The following ZKSCAN1 variants were observed in gnomAD, a reference collection of about 807,000 sequenced individuals.
ZKSCAN1 encodes the protein zinc finger protein with KRAB and SCAN domains 1.
In ZKSCAN1, 14 loss-of-function variants were observed where a neutral mutation model predicts 51.6. The ratio of observed to expected loss-of-function variants is 0.27; its 90% CI spans 0.18 to 0.42. ZKSCAN1 has a LOEUF of 0.42. Ranked by LOEUF, ZKSCAN1 falls within the 10% of genes least tolerant of loss-of-function variation. ZKSCAN1 has a pLI of 1.00. For missense variants in ZKSCAN1, 531 were observed against 710.0 expected (o/e 0.75, Z 2.86); for synonymous variants, 263 against 261.5 (o/e 1.01, Z -0.06).
Position 100,038,679 on chromosome 7 carries a change from C to T in ZKSCAN1, c.*4482C>T. The T allele has an allele frequency of 3.1e-5, 31 of 985,430 alleles. No individual in the cohort carries two copies. Among genetic ancestry groups the T allele is most frequent in the Non-Finnish European group, 3.7e-5 (31 of 829,950 alleles). 61.0% of individuals were successfully genotyped at this position (985,430 alleles called of 1,614,324 possible). A position where few individuals can be genotyped will look rare whatever the true frequency, so the allele number is the denominator to read the frequency against. On this transcript the variant is annotated 3_prime_UTR_variant, in exon 6 of 6. Transcript: ENST00000324306. ...AACCGTAGTCATGCTTTCCCACTAACTCTTAAATCCTTATGCTTAGAAAAT... is the reference window on the plus strand; with the variant it reads ...AACCGTAGTCATGCTTTCCCACTAATTCTTAAATCCTTATGCTTAGAAAAT...
Position 100,034,356 on chromosome 7 carries a change from A to C in ZKSCAN1, c.*159A>C. The C allele has an allele frequency of 7.2e-7, 1 of 1,389,876 alleles. No individual in the cohort carries two copies. Among genetic ancestry groups the C allele is most frequent in the Non-Finnish European group, 9.3e-7 (1 of 1,080,464 alleles). 86.1% of individuals were successfully genotyped at this position (1,389,876 alleles called of 1,614,324 possible). A position where few individuals can be genotyped will look rare whatever the true frequency, so the allele number is the denominator to read the frequency against. ...GTCACATCAGCAGTGTTCTGCCTTTATGTAGTAGTTGGGCATATAATCCTT... is the reference window on the plus strand; with the variant it reads ...GTCACATCAGCAGTGTTCTGCCTTTCTGTAGTAGTTGGGCATATAATCCTT... On this transcript the variant is annotated 3_prime_UTR_variant, in exon 6 of 6. Transcript: ENST00000324306.
Position 100,029,251 on chromosome 7 carries a change from G to GT in ZKSCAN1, c.581-602dup, listed in dbSNP as rs557347149. ...CCTTTCTGGATATTGCTACTAAAGT[G>GT]TTTTTTTTGTTGTTGTTTTTCTGGA... is the stretch of plus-strand genomic sequence containing the variant. On this transcript the variant is annotated intron_variant, in intron 3 of 5. Transcript: ENST00000324306. 5.2e-3 allele frequency among the ~76,000 whole-genome samples: 788 copies of GT among 150,428 alleles called. 6 individuals are homozygous for GT. The highest frequency in any genetic ancestry group is 0.018 in the African/African-American group (753 of 41,016).
At chr7:100,041,913 T>C (rs1791608778), downstream of ZKSCAN1, among the ~76,000 whole-genome samples, 1 of 152,100 alleles carries the variant, frequency 6.6e-6, no homozygotes. Context: ...CCAAGGGCAT[T>C]CCAAAGTTAA....
rs1791359108 is a variant in ZKSCAN1, at chr7:100,036,306, A to C, written c.*2109A>C. ...AAAACCCATTACTCCAGAAGAGTAT[A>C]TCTAAGTAACTAAAATGGAGGCAGA... On this transcript the variant is annotated 3_prime_UTR_variant, in exon 6 of 6. Coordinates refer to ENST00000324306, the MANE Select transcript of ZKSCAN1 (RefSeq NM_003439.4). 1 of 985,370 alleles carries C rather than the reference A, an allele frequency of 1.0e-6. No homozygotes were observed. The highest frequency in any genetic ancestry group is 1.2e-6 in the Non-Finnish European group (1 of 829,952). The allele number at this position is 985,370 out of a possible 1,614,324, so 61.0% of individuals were successfully genotyped here.
Position 100,033,653 on chromosome 7 carries a change from G to A in ZKSCAN1, c.1148G>A (p.Gly383Asp). Residue 383 changes from glycine (G) to aspartate (D), a missense_variant, in exon 6 of 6, where the codon GGT (glycine) becomes GAT (aspartate). Physicochemically the swap from Gly to Asp is moderately conservative, Grantham distance 94 (BLOSUM62 -1). Transcript: ENST00000324306. The surrounding 1 kb of genome is among the most constrained non-coding windows in gnomAD (Gnocchi z 4.1). ...GTKSHRCDEC[G>D]KCFTRSSSLI... is the part of the protein sequence containing the mutation. Reference sequence around the variant, plus strand: ...AAGTCTCACAGATGTGATGAATGTGGTAAATGCTTCACGAGAAGTTCAAGC... The same window carrying A: ...AAGTCTCACAGATGTGATGAATGTGATAAATGCTTCACGAGAAGTTCAAGC... 1 of 1,614,220 alleles carries A rather than the reference G, an allele frequency of 6.2e-7. No homozygotes were observed. Among genetic ancestry groups the A allele is most frequent in the Non-Finnish European group, 8.5e-7 (1 of 1,180,032 alleles).
In ZKSCAN1 at chr7:100,040,273, C is replaced by G; in HGVS notation, c.*6076C>G. On this transcript the variant is annotated 3_prime_UTR_variant, in exon 6 of 6. Coordinates refer to ENST00000324306, the MANE Select transcript of ZKSCAN1 (RefSeq NM_003439.4). The stretch of plus-strand genomic sequence containing the variant: ...CCCAATCTCATGTTTTCCTGTTACC[C>G]TAAAACAGTGGAAGGAAACTGGGTG... 1.0e-6 allele frequency: 1 copy of G among 985,384 alleles called. No individual in the cohort carries two copies. The highest frequency in any genetic ancestry group is 1.2e-6 in the Non-Finnish European group (1 of 829,934). 61.0% of individuals were successfully genotyped at this position (985,384 alleles called of 1,614,324 possible).
At position 100,034,369 on chromosome 7, in the gene ZKSCAN1, G is replaced by C. The variant is rs529409789; in HGVS notation, c.*172G>C. ...TGTTCTGCCTTTATGTAGTAGTTGG[G>C]CATATAATCCTTCCACACAGCCCCT... is the stretch of plus-strand genomic sequence containing the variant. On this transcript the variant is annotated 3_prime_UTR_variant, in exon 6 of 6. Coordinates refer to ENST00000324306, the MANE Select transcript of ZKSCAN1 (RefSeq NM_003439.4). 5.1e-5 allele frequency: 69 copies of C among 1,359,456 alleles called. 1 individual carries two copies. In the African/African-American group the frequency reaches 8.9e-4, roughly 18 times the overall value. 84.2% of individuals were successfully genotyped at this position (1,359,456 alleles called of 1,614,324 possible).
chr7:100,040,700 G>C lies in ZKSCAN1; in HGVS notation c.*6503G>C. On this transcript the variant is annotated 3_prime_UTR_variant, in exon 6 of 6. Transcript: ENST00000324306. ...GCCCCACACTCCAGGCTGAGAAAGA[G>C]TAATTAGGAGGCCTGAGGAGGGGCC... is the stretch of plus-strand genomic sequence containing the variant. The C allele has an allele frequency of 2.0e-6, 2 of 985,506 alleles. No individual in the cohort carries two copies. The highest frequency in any genetic ancestry group is 4.7e-5 in the South Asian group (1 of 21,286). 61.0% of individuals were successfully genotyped at this position (985,506 alleles called of 1,614,324 possible).
At chr7:100,030,048 G>C (rs1791040784) in intron 4 of ZKSCAN1, 96 bp downstream of exon 4, 1 of 1,462,990 alleles carries the variant, frequency 6.8e-7, no homozygotes, top group Admixed American at 1.8e-5. Flanking sequence ...GGATGCCCCT[G>C]CTCTCAAAGA....
At chr7:100,015,910 C>T (rs2115789109) in intron 1 of ZKSCAN1, among the ~76,000 whole-genome samples, 184 bp downstream of exon 1, 1 of 152,302 alleles carries the variant, frequency 6.6e-6, no homozygotes, top group East Asian at 1.9e-4. Context: ...TCCTGGGAGA[C>T]GTCCCCGCCC....
intron 1 of ZKSCAN1, among the ~76,000 whole-genome samples, chr7:100,016,030 C>T (rs985576767): frequency 2.6e-5 from 4 of 152,202 alleles, no homozygotes; most frequent in African/African-American, 9.6e-5. Context: ...CGTCATCGCC[C>T]TTTGACGTTT....
In ZKSCAN1 at chr7:100,034,460, T is replaced by C. The variant is rs1791261853; in HGVS notation, c.*263T>C. 1 of 1,189,792 alleles carries C rather than the reference T, an allele frequency of 8.4e-7. No homozygotes were observed. The allele number at this position is 1,189,792 out of a possible 1,614,324, so 73.7% of individuals were successfully genotyped here. ...TCCACACAAGAGAAAAGCACACGCA[T>C]AGTGAAATGTCAGTCTTTTCAGTAA... On this transcript the variant is annotated 3_prime_UTR_variant, in exon 6 of 6. Coordinates refer to ENST00000324306, the MANE Select transcript of ZKSCAN1 (RefSeq NM_003439.4).
rs1554353869 is a variant in ZKSCAN1 at position 100,035,975 on chromosome 7, T to TC, written c.*1782dup. On this transcript the variant is annotated 3_prime_UTR_variant, in exon 6 of 6. Transcript: ENST00000324306. Reference sequence around the variant, plus strand: ...AAACCTCAAGACTATCAGTGTGACCTCCCCATAACAAGAGAACCCCATATA... The same window carrying TC: ...AAACCTCAAGACTATCAGTGTGACCTCCCCCATAACAAGAGAACCCCATATA... 1 of 985,256 alleles carries TC rather than the reference T, an allele frequency of 1.0e-6. No individual in the cohort carries two copies. The highest frequency in any genetic ancestry group is 1.2e-6 in the Non-Finnish European group (1 of 829,932). 61.0% of individuals were successfully genotyped at this position (985,256 alleles called of 1,614,324 possible). A position where few individuals can be genotyped will look rare whatever the true frequency, so the allele number is the denominator to read the frequency against.
At chr7:100,029,272 C>T (rs1584341873) in intron 3 of ZKSCAN1, among the ~76,000 whole-genome samples, 1 of 150,202 alleles carries the variant, frequency 6.7e-6, no homozygotes. Context: ...TGTTGTTTTT[C>T]TGGATTTCAT....
chr7:100,027,810 T>C (rs953111855), intron 3 of ZKSCAN1, among the ~76,000 whole-genome samples: 4 of 151,184 alleles, frequency 2.6e-5, no homozygotes, highest in Admixed American at 6.6e-5. Context: ...TTGATGTTCT[T>C]GTAAGGTTTC....
Position 100,034,214 on chromosome 7 carries a change from C to G in ZKSCAN1, c.*17C>G. The G allele has an allele frequency of 1.3e-6, 2 of 1,499,246 alleles. No homozygotes were observed. The highest frequency in any genetic ancestry group is 1.8e-6 in the Non-Finnish European group (2 of 1,131,692). 92.9% of individuals were successfully genotyped at this position (1,499,246 alleles called of 1,614,324 possible). ...TGTGTGTAAAGGAAGAATTTGCCATCAAGCCATTTCCCCCTTTTGTTTCTA... is the reference window on the plus strand; with the variant it reads ...TGTGTGTAAAGGAAGAATTTGCCATGAAGCCATTTCCCCCTTTTGTTTCTA... On this transcript the variant is annotated 3_prime_UTR_variant, in exon 6 of 6. Transcript: ENST00000324306.
rs1380462734 is a variant in ZKSCAN1, at chr7:100,038,980, G to A, written c.*4783G>A. 7.9e-5 allele frequency: 12 copies of A among 152,468 alleles called. No homozygotes were observed. Among genetic ancestry groups the A allele is most frequent in the African/African-American group, 1.5e-4 (6 of 39,954 alleles). The allele number at this position is 152,468 out of a possible 1,614,324, so 9.4% of individuals were successfully genotyped here. ...ACTGCACTCCAGCCTGGGTGATGGCGTGAGACTCCATGTCAAAAAAAAAAA... is the reference window on the plus strand; with the variant it reads ...ACTGCACTCCAGCCTGGGTGATGGCATGAGACTCCATGTCAAAAAAAAAAA... On this transcript the variant is annotated 3_prime_UTR_variant, in exon 6 of 6. Transcript: ENST00000324306.
chr7:100,040,758 T>C lies in ZKSCAN1; in HGVS notation c.*6561T>C. 1.0e-6 allele frequency: 1 copy of C among 985,484 alleles called. No individual in the cohort carries two copies. Among genetic ancestry groups the C allele is most frequent in the Non-Finnish European group, 1.2e-6 (1 of 829,962 alleles). 61.0% of individuals were successfully genotyped at this position (985,484 alleles called of 1,614,324 possible). ...GGCTGTTGGGGTGTGCTGGGGTTGG[T>C]ACCCGAGCGCCTTCCCCTCACCTCA... is the stretch of plus-strand genomic sequence containing the variant. On this transcript the variant is annotated 3_prime_UTR_variant, in exon 6 of 6. Coordinates refer to ENST00000324306, the MANE Select transcript of ZKSCAN1 (RefSeq NM_003439.4).
chr7:100,026,230 C>CAAAAAAA (rs58408632), intron 3 of ZKSCAN1, among the ~76,000 whole-genome samples: 2 of 47,308 alleles, frequency 4.2e-5, no homozygotes, highest in African/African-American at 9.3e-5. Flanking sequence ...AAACTCATCT[C>CAAAAAAA]AAAAAAAAAA....
Sources: allele counts gnomAD v4.1 joint callset (sites outside exome capture counted in the v4.1 genomes callset), GRCh38; gene constraint gnomAD v4.1.1; non-coding constraint Gnocchi (gnomAD v3.1); transcripts MANE v1.5; gene names NCBI Gene and HGNC (gene_info 2026-07-23, HGNC 2026-07-21).